Variants in PSCA observed in about 807,000 individuals in gnomAD.
PSCA encodes the protein prostate stem cell antigen.
Under a neutral mutation model 7.9 loss-of-function variants are expected in PSCA, and 7 were observed. The ratio of observed to expected loss-of-function variants is 0.89; its 90% CI spans 0.51 to 1.67. The LOEUF is 1.67. PSCA is among the 40% of genes most tolerant of loss of function. The pLI, the probability that PSCA is intolerant of heterozygous loss-of-function variation, is 0.00. For missense variants in PSCA, 151 were observed against 147.9 expected (o/e 1.02, Z -0.11); for synonymous variants, 61 against 68.3 (o/e 0.89, Z 0.53).
upstream of PSCA, among the ~76,000 whole-genome samples, chr8:142,679,601 T>C (rs1236220236): frequency 6.6e-6 from 1 of 152,150 alleles, no homozygotes; most frequent in Non-Finnish European, 1.5e-5. Flanking sequence ...AAGATATACA[T>C]TGGTTTAGTC....
At chr8:142,680,803 T>TCAC in intron 1 of PSCA, 2 of 596,830 alleles carry the variant, frequency 3.4e-6, no homozygotes. Context: ...TCACTCTCCT[T>TCAC]CACCACCGTG....
chr8:142,678,818 A>G (rs1554638051), upstream of PSCA, among the ~76,000 whole-genome samples: 5 of 151,172 alleles, frequency 3.3e-5, no homozygotes, highest in South Asian at 8.3e-4. Flanking sequence ...GACCATAGCT[A>G]CTGCCACCAA....
upstream of PSCA, chr8:142,676,648 G>A (rs1847404397): frequency 6.6e-6 from 1 of 152,246 alleles, no homozygotes; most frequent in Admixed American, 6.5e-5. Context: ...CTGGCACTGG[G>A]GAGGGATCAG....
upstream of PSCA, among the ~76,000 whole-genome samples, chr8:142,677,782 A>C (rs150468329): frequency 1.3e-5 from 2 of 152,146 alleles, no homozygotes; most frequent in Non-Finnish European, 2.9e-5. Context: ...GGGAGGCTGC[A>C]GTCACCCTGC....
Position 142,681,316 on chromosome 8 carries a change from C to T in PSCA, c.26-11C>T. 1.3e-6 allele frequency: 2 copies of T among 1,549,816 alleles called. No individual in the cohort carries two copies. Among genetic ancestry groups the T allele is most frequent in the Non-Finnish European group, 1.7e-6 (2 of 1,145,334 alleles). ...GGCAGCCTCTGAGGCCCCTCCCACT[C>T]CACCCCACAGGCACTGCCCTGCTGT... is the stretch of plus-strand genomic sequence containing the variant. On this transcript the variant is annotated splice_polypyrimidine_tract_variant and intron_variant, in intron 1 of 2. Transcript: ENST00000301258.
chr8:142,682,181 C>T lies in PSCA; in HGVS notation c.*49C>T, dbSNP rs1182299490. ...CCACACTGGGTGTGGTGCCCCAGGC[C>T]TCTGTGCCACTCCTCACACACCCGG... On this transcript the variant is annotated 3_prime_UTR_variant, in exon 3 of 3. Transcript: ENST00000301258. 9.7e-6 allele frequency: 15 copies of T among 1,546,484 alleles called. No homozygotes were observed. Among genetic ancestry groups the T allele is most frequent in the Non-Finnish European group, 1.3e-5 (15 of 1,146,746 alleles).
upstream of PSCA, among the ~76,000 whole-genome samples, chr8:142,679,604 G>T (rs1554638114): frequency 6.6e-6 from 1 of 152,216 alleles, no homozygotes; most frequent in East Asian, 1.9e-4. Flanking sequence ...ATATACATTG[G>T]TTTAGTCCAG....
At position 142,673,786 on chromosome 8, in the gene PSCA, T is replaced by C. The variant is rs1189387480; in HGVS notation, n.261+3218T>C. On this transcript the variant is annotated intron_variant and non_coding_transcript_variant, in intron 1 of 1. Coordinates refer to the PSCA transcript ENST00000505305. The surrounding 1 kb of genome is among the most constrained non-coding windows in gnomAD (Gnocchi z 4.6). ...CTCGCTAGAGCCATCCATCAGTCAT[T>C]AGACGTGCAAAAACCTGAAACGACA... 6.6e-6 allele frequency among the ~76,000 whole-genome samples: 1 copy of C among 152,196 alleles called. No homozygotes were observed. The highest frequency in any genetic ancestry group is 1.5e-5 in the Non-Finnish European group (1 of 68,022).
In PSCA at chr8:142,673,901, G is replaced by A. The variant is rs886270739; in HGVS notation, n.261+3333G>A. The stretch of plus-strand genomic sequence containing the variant: ...CAAATCTTGTGGTCCCTGGAATAAC[G>A]GCTGGGAGTCGTTTCAGTCTAACCT... On this transcript the variant is annotated intron_variant and non_coding_transcript_variant, in intron 1 of 1. Transcript: ENST00000505305. The surrounding 1 kb of genome is among the most constrained non-coding windows in gnomAD (Gnocchi z 4.6). 5.9e-5 allele frequency among the ~76,000 whole-genome samples: 9 copies of A among 152,224 alleles called. No homozygotes were observed. Among genetic ancestry groups the A allele is most frequent in the East Asian group, 1.9e-4 (1 of 5,202 alleles).
intron 1 of PSCA, 131 bp downstream of exon 1, chr8:142,680,694 C>T: frequency 8.0e-7 from 1 of 1,246,752 alleles, no homozygotes; most frequent in Non-Finnish European, 1.1e-6. Context: ...GAGGCTCTTG[C>T]CCTAGCCTCC....
rs1554638583 is a variant in PSCA at position 142,682,497 on chromosome 8, G to A, written c.*365G>A. 1.9e-6 allele frequency: 1 copy of A among 532,926 alleles called. No individual in the cohort carries two copies. Among genetic ancestry groups the A allele is most frequent in the Non-Finnish European group, 3.6e-6 (1 of 276,732 alleles). 33.0% of individuals were successfully genotyped at this position (532,926 alleles called of 1,614,324 possible). A position where few individuals can be genotyped will look rare whatever the true frequency, so the allele number is the denominator to read the frequency against. ...TGACTTGAGCCAGGTCTGGTCCGTG[G>A]TGTCCCCCGCACCCAGCAGGGGACA... is the stretch of plus-strand genomic sequence containing the variant. On this transcript the variant is annotated 3_prime_UTR_variant, in exon 3 of 3. Coordinates refer to ENST00000301258, the MANE Select transcript of PSCA (RefSeq NM_005672.5).
chr8:142,681,293 C>A (rs1475512911), intron 1 of PSCA, 34 bp from the exon 2 acceptor site: 16 of 1,502,130 alleles, frequency 1.1e-5, no homozygotes, highest in Non-Finnish European at 1.4e-5. Flanking sequence ...TGCTATGGGG[C>A]AGCCTCTGAG....
intron 2 of PSCA, 168 bp from the exon 3 acceptor site, chr8:142,681,753 T>TAGGGCTGAGACC (rs1814644754): frequency 1.6e-6 from 1 of 624,170 alleles, no homozygotes; most frequent in Middle Eastern, 4.2e-4. Flanking sequence ...GACATCTGGA[T>TAGGGCTGAGACC]AGGGCTGAGA....
Position 142,682,615 on chromosome 8 carries a change from G to A in PSCA, c.*483G>A, listed in dbSNP as rs3185495. ...ACGTGAGTTCCTGGGAGTCTCCAGAGATGGGGCCTGGAGGCCTGGAGGAAG... is the reference window on the plus strand; with the variant it reads ...ACGTGAGTTCCTGGGAGTCTCCAGAAATGGGGCCTGGAGGCCTGGAGGAAG... On this transcript the variant is annotated 3_prime_UTR_variant, in exon 3 of 3. Coordinates refer to ENST00000301258, the MANE Select transcript of PSCA (RefSeq NM_005672.5). 2.8e-6 allele frequency: 1 copy of A among 360,688 alleles called. No homozygotes were observed. The highest frequency in any genetic ancestry group is 7.4e-5 in the East Asian group (1 of 13,534). The allele number at this position is 360,688 out of a possible 1,614,324, so 22.3% of individuals were successfully genotyped here. A position where few individuals can be genotyped will look rare whatever the true frequency, so the allele number is the denominator to read the frequency against.
intron 1 of PSCA, among the ~76,000 whole-genome samples, chr8:142,672,225 C>G (rs1360817082): frequency 6.6e-6 from 1 of 152,060 alleles, no homozygotes; most frequent in African/African-American, 2.4e-5. Context: ...GATCCTCTAC[C>G]CTCAAAATCC....
At position 142,682,050 on chromosome 8, in the gene PSCA, C is replaced by G. The variant is rs1554638442; in HGVS notation, c.263C>G (p.Ala88Gly). 6.2e-7 allele frequency: 1 copy of G among 1,611,954 alleles called. No homozygotes were observed. The highest frequency in any genetic ancestry group is 1.7e-5 in the Admixed American group (1 of 60,004). ...CDTDLCNASG[A>G]HALQPAAAIL... ...ACCGACTTGTGCAACGCCAGCGGGG[C>G]CCATGCCCTGCAGCCGGCTGCTGCC... Residue 88 changes from alanine (A) to glycine (G), a missense_variant, in exon 3 of 3, where the codon GCC becomes GGC. Transcript: ENST00000301258.
chr8:142,674,468 T>A (rs1178989664), intron 1 of PSCA, among the ~76,000 whole-genome samples: 1 of 152,250 alleles, frequency 6.6e-6, no homozygotes, highest in Non-Finnish European at 1.5e-5. Context: ...CCCCTCATCT[T>A]CCTCATGCAG....
At chr8:142,681,016 G>T in intron 1 of PSCA, 2 of 460,964 alleles carry the variant, frequency 4.3e-6, no homozygotes, top group South Asian at 5.2e-5. Flanking sequence ...GCTTCCAAGG[G>T]TCCCAGGGAG....
chr8:142,682,179 G>A lies in PSCA; in HGVS notation c.*47G>A. 1 of 1,553,284 alleles carries A rather than the reference G, an allele frequency of 6.4e-7. No individual in the cohort carries two copies. The highest frequency in any genetic ancestry group is 8.7e-7 in the Non-Finnish European group (1 of 1,151,860). Reference sequence around the variant, plus strand: ...GCCCACACTGGGTGTGGTGCCCCAGGCCTCTGTGCCACTCCTCACACACCC... The same window carrying A: ...GCCCACACTGGGTGTGGTGCCCCAGACCTCTGTGCCACTCCTCACACACCC... On this transcript the variant is annotated 3_prime_UTR_variant, in exon 3 of 3. Transcript: ENST00000301258.
Sources: allele counts gnomAD v4.1 joint callset (sites outside exome capture counted in the v4.1 genomes callset), GRCh38; gene constraint gnomAD v4.1.1; non-coding constraint Gnocchi (gnomAD v3.1); transcripts MANE v1.5; gene names NCBI Gene and HGNC (gene_info 2026-07-23, HGNC 2026-07-21).